The following WDPCP variants were observed in gnomAD, a reference collection of about 807,000 sequenced individuals.
WDPCP encodes WD repeat-containing and planar cell polarity effector protein fritz homolog.
A neutral mutation model predicts 93.1 loss-of-function variants in WDPCP; 71 were observed. The ratio of observed to expected loss-of-function variants is 0.76; its 90% CI spans 0.63 to 0.93. The LOEUF is 0.93. Among genes scored for constraint, WDPCP ranks in the 40% least tolerant of loss-of-function variants. The pLI, the probability that WDPCP is intolerant of heterozygous loss-of-function variation, is 0.00. For missense variants in WDPCP, 844 were observed against 887.4 expected (o/e 0.95, Z 0.62); for synonymous variants, 315 against 315.0 (o/e 1.00, Z 0.00).
At chr2:63,803,506 A>G (rs999529220) in intron 2 of WDPCP, among the ~76,000 whole-genome samples, 2 of 152,176 alleles carry the variant, frequency 1.3e-5, no homozygotes. Context: ...AACTTTGAGT[A>G]ATGAGTTACA....
chr2:63,179,434 T>TAGTG (rs1201985652), intron 14 of WDPCP, among the ~76,000 whole-genome samples: 2 of 152,004 alleles, frequency 1.3e-5, no homozygotes, highest in African/African-American at 4.8e-5. Flanking sequence ...GTCTTTGCAA[T>TAGTG]AGTGAGTTCT....
At chr2:63,665,662 C>T (rs1423179124) in intron 2 of WDPCP, among the ~76,000 whole-genome samples, 1 of 152,214 alleles carries the variant, frequency 6.6e-6, no homozygotes, top group African/African-American at 2.4e-5. Context: ...AGGATATTGG[C>T]TGCAAATAAA....
chr2:63,271,909 T>A (rs1196079645), intron 13 of WDPCP, among the ~76,000 whole-genome samples: 1 of 152,152 alleles, frequency 6.6e-6, no homozygotes, highest in East Asian at 1.9e-4. Flanking sequence ...ATGTATTGCT[T>A]ATGAGCCTCT....
chr2:63,814,672 C>T (rs1387164385), intron 1 of WDPCP, among the ~76,000 whole-genome samples: 2 of 152,196 alleles, frequency 1.3e-5, no homozygotes, highest in African/African-American at 2.4e-5. Flanking sequence ...TAATGCCACA[C>T]ACGAAATGAC....
At chr2:63,729,218 T>C (rs568633676) in intron 2 of WDPCP, among the ~76,000 whole-genome samples, 17 of 152,316 alleles carry the variant, frequency 1.1e-4, no homozygotes, top group African/African-American at 3.6e-4. Context: ...AAAGGAAACA[T>C]AGGATTCTGA....
chr2:63,714,105 C>T (rs1297991133), intron 2 of WDPCP, among the ~76,000 whole-genome samples: 1 of 148,450 alleles, frequency 6.7e-6, no homozygotes, highest in African/African-American at 2.5e-5. Flanking sequence ...GCCCAGGCTG[C>T]AGTGCAGTGG....
At chr2:63,195,869 G>A (rs1424345969) in intron 14 of WDPCP, among the ~76,000 whole-genome samples, 1 of 152,116 alleles carries the variant, frequency 6.6e-6, no homozygotes, top group African/African-American at 2.4e-5. Flanking sequence ...CAAAAGAAAT[G>A]TTAACAAATA....
intron 3 of WDPCP, among the ~76,000 whole-genome samples, chr2:63,641,046 C>T (rs573744424): frequency 4.6e-5 from 7 of 152,202 alleles, no homozygotes; most frequent in African/African-American, 1.7e-4. Flanking sequence ...TTTTAGATCC[C>T]ACAAATAAAT....
intron 2 of WDPCP, among the ~76,000 whole-genome samples, chr2:63,706,075 C>G (rs376464782): frequency 2.0e-5 from 3 of 152,076 alleles, no homozygotes; most frequent in African/African-American, 4.8e-5. Context: ...CTCTTTTGAT[C>G]TTTGTTGGTT....
In WDPCP at chr2:63,487,289, G is replaced by C. The variant is rs150591046; in HGVS notation, c.208+158C>G. ...TACTTTATTTTATATAGAACAGATAGATATCAACCTCAGCATTTTTCTAAA... is the reference window on the plus strand; with the variant it reads ...TACTTTATTTTATATAGAACAGATACATATCAACCTCAGCATTTTTCTAAA... On this transcript the variant is annotated intron_variant, in intron 3 of 17. Coordinates refer to ENST00000272321, the MANE Select transcript of WDPCP (RefSeq NM_015910.7). 3.6e-3 allele frequency among the ~76,000 whole-genome samples: 551 copies of C among 152,098 alleles called. 4 individuals are homozygous for C. Among genetic ancestry groups the C allele is most frequent in the African/African-American group, 0.012 (514 of 41,522 alleles).
intron 1 of WDPCP, among the ~76,000 whole-genome samples, chr2:63,543,731 T>G (rs1704920742): frequency 6.6e-6 from 1 of 152,102 alleles, no homozygotes; most frequent in Admixed American, 6.6e-5. Flanking sequence ...GAAAGCTACT[T>G]TTCAAGTTTT....
At chr2:63,558,100 G>A (rs1025328403) in intron 1 of WDPCP, among the ~76,000 whole-genome samples, 3 of 151,592 alleles carry the variant, frequency 2.0e-5, no homozygotes, top group African/African-American at 7.3e-5. Flanking sequence ...GAGAATCAAA[G>A]CAGACAAGAA....
intron 13 of WDPCP, among the ~76,000 whole-genome samples, chr2:63,273,564 T>G (rs1223984765): frequency 2.6e-5 from 4 of 151,986 alleles, no homozygotes; most frequent in Non-Finnish European, 5.9e-5. Flanking sequence ...ATGACCCAAC[T>G]ATATGCTTCC....
At chr2:63,492,790 C>A (rs1216722249) in intron 2 of WDPCP, 66 bp downstream of exon 2, 2 of 1,434,596 alleles carry the variant, frequency 1.4e-6, no homozygotes, top group Non-Finnish European at 2.0e-6. Context: ...CTAACCTTTG[C>A]TAGTACTTAT....
intron 14 of WDPCP, among the ~76,000 whole-genome samples, chr2:63,249,212 G>T (rs1680522904): frequency 6.6e-6 from 1 of 152,110 alleles, no homozygotes; most frequent in South Asian, 2.1e-4. Context: ...CTGAGCATAG[G>T]AATTGGCCTG....
intron 3 of WDPCP, among the ~76,000 whole-genome samples, chr2:63,623,011 C>A (rs1483336513): frequency 6.6e-6 from 1 of 152,210 alleles, no homozygotes; most frequent in African/African-American, 2.4e-5. Flanking sequence ...CGACCGCGCG[C>A]CACTTCCGGC....
At chr2:63,227,963 T>C (rs920752019) in intron 14 of WDPCP, among the ~76,000 whole-genome samples, 1 of 152,108 alleles carries the variant, frequency 6.6e-6, no homozygotes, top group African/African-American at 2.4e-5. Flanking sequence ...ATACCAAGTA[T>C]AGCAAAATTT....
intron 3 of WDPCP, among the ~76,000 whole-genome samples, chr2:63,607,528 C>G (rs1709557627): frequency 6.6e-6 from 1 of 151,374 alleles, no homozygotes. Context: ...GAGGGAAACT[C>G]CGTCTCAAAA....
chr2:63,820,547 C>G (rs1016098228), intron 1 of WDPCP, among the ~76,000 whole-genome samples: 1 of 152,112 alleles, frequency 6.6e-6, no homozygotes, highest in Non-Finnish European at 1.5e-5. Flanking sequence ...TCTTGACAAA[C>G]CTATCTCATT....
Sources: gnomAD v4.1 joint callset for allele counts (sites outside exome capture counted in the v4.1 genomes callset) on GRCh38, gnomAD v4.1.1 for gene constraint, MANE v1.5 for transcripts, NCBI Gene and HGNC (gene_info 2026-07-23, HGNC 2026-07-21) for gene names.